The following USP7 variants were observed in gnomAD, a reference collection of about 807,000 sequenced individuals.
USP7 encodes ubiquitin specific peptidase 7.
Under a neutral mutation model 162.9 loss-of-function variants are expected in USP7, and 9 were observed. That is an observed-to-expected ratio of 0.06 (90% CI 0.03 to 0.10). The LOEUF (loss-of-function observed/expected upper bound fraction) is 0.10, where lower values mean the gene tolerates loss of function less well. Ranked by LOEUF, USP7 falls within the 10% of genes least tolerant of loss-of-function variation. The pLI, the probability that USP7 is intolerant of heterozygous loss-of-function variation, is 1.00. For missense variants in USP7, 715 were observed against 1,373.7 expected (o/e 0.52, Z 7.58); for synonymous variants, 562 against 475.9 (o/e 1.18, Z -2.35).
At chr16:8,938,368 A>G (rs1482019082) in intron 1 of USP7, among the ~76,000 whole-genome samples, 1 of 152,052 alleles carries the variant, frequency 6.6e-6, no homozygotes, top group African/African-American at 2.4e-5. Flanking sequence ...AAAGAAAGAA[A>G]TAATACAGTC....
chr16:8,963,170 C>T (rs1452773844), intron 1 of USP7, 37 bp downstream of exon 1: 5 of 1,382,460 alleles, frequency 3.6e-6, no homozygotes, highest in Non-Finnish European at 3.8e-6. Flanking sequence ...ATGAAAGGCG[C>T]CCCCCGGCCC....
chr16:8,930,250 C>A (rs757112853), intron 2 of USP7, 43 bp downstream of exon 2: 2 of 1,501,962 alleles, frequency 1.3e-6, no homozygotes, highest in East Asian at 2.3e-5. Flanking sequence ...TGTTTTCTGA[C>A]AAGTTTCCGC....
intron 1 of USP7, among the ~76,000 whole-genome samples, chr16:8,951,537 C>A (rs1899550006): frequency 6.6e-6 from 1 of 152,106 alleles, no homozygotes; most frequent in Non-Finnish European, 1.5e-5. Context: ...CCCTGGATAT[C>A]CTATTTGCTC....
Position 8,897,726 on chromosome 16 carries a change from A to AAT in USP7, c.2719-629_2719-628dup, listed in dbSNP as rs1555461672. ...AAAAAAAAAAAAAAAAAAAAAAAAA[A>AAT]ATATATATATATATATATATAAATG... On this transcript the variant is annotated intron_variant, in intron 25 of 30. Transcript: ENST00000344836. 8.4e-4 allele frequency among the ~76,000 whole-genome samples: 6 copies of AAT among 7,136 alleles called. 1 individual carries two copies. Among genetic ancestry groups the AAT allele is most frequent in the Admixed American group, 6.3e-3 (2 of 316 alleles). 4.7% of individuals were successfully genotyped at this position (7,136 alleles called of 152,430 possible). A position where few individuals can be genotyped will look rare whatever the true frequency, so the allele number is the denominator to read the frequency against.
intron 1 of USP7, among the ~76,000 whole-genome samples, chr16:8,937,823 G>C (rs1898834649): frequency 6.6e-6 from 1 of 152,196 alleles, no homozygotes; most frequent in African/African-American, 2.4e-5. Context: ...CCACACAGAA[G>C]CCAGGAGACA....
chr16:8,899,798 T>C (rs751552064), intron 21 of USP7, 41 bp from the exon 22 acceptor site: 58 of 1,610,784 alleles, frequency 3.6e-5, no homozygotes, highest in South Asian at 7.7e-5. Context: ...TCAAAGTCCA[T>C]GGCAGGGGGT....
At chr16:8,901,345 T>C in intron 18 of USP7, 111 bp from the exon 19 acceptor site, 3 of 716,636 alleles carry the variant, frequency 4.2e-6, no homozygotes, top group South Asian at 3.5e-5. Flanking sequence ...GTAAGCTGAA[T>C]AGCTCAATGA....
chr16:8,941,506 T>C (rs1899044113), intron 1 of USP7, among the ~76,000 whole-genome samples: 1 of 152,228 alleles, frequency 6.6e-6, no homozygotes, highest in African/African-American at 2.4e-5. Flanking sequence ...TTCTCGCAGG[T>C]CAACCGACAT....
At chr16:8,921,013 A>C (rs1195483372) in intron 4 of USP7, 144 bp downstream of exon 4, 1 of 950,216 alleles carries the variant, frequency 1.1e-6, no homozygotes, top group African/African-American at 1.7e-5. Flanking sequence ...GAAACTGGAG[A>C]AAACATGTTT....
At chr16:8,934,057 C>T (rs1898537599) in intron 1 of USP7, among the ~76,000 whole-genome samples, 1 of 152,240 alleles carries the variant, frequency 6.6e-6, no homozygotes, top group East Asian at 1.9e-4. Flanking sequence ...CACGCCTGGC[C>T]TATAAATCTT....
chr16:8,943,497 G>GCCAAAGGAT (rs1224973946), intron 1 of USP7, among the ~76,000 whole-genome samples: 4 of 151,906 alleles, frequency 2.6e-5, no homozygotes, highest in Non-Finnish European at 4.4e-5. Context: ...ACACACAAGA[G>GCCAAAGGAT]CCAAAGGATC....
intron 1 of USP7, among the ~76,000 whole-genome samples, chr16:8,954,783 A>C (rs944447616): frequency 4.7e-4 from 71 of 151,176 alleles, no homozygotes; most frequent in African/African-American, 1.6e-3. Context: ...CCATGGTAAA[A>C]CCCCCCCTCT....
intron 8 of USP7, among the ~76,000 whole-genome samples, chr16:8,916,119 G>C (rs371547637): frequency 6.6e-6 from 1 of 152,140 alleles, no homozygotes; most frequent in Non-Finnish European, 1.5e-5. Flanking sequence ...TGAGAACCTC[G>C]CTGCACAGGA....
rs1035382907 is a variant in USP7 at position 8,901,126 on chromosome 16, T to C, written c.2140+16A>G. 3 of 1,613,278 alleles carry C rather than the reference T, an allele frequency of 1.9e-6. No homozygotes were observed. Among genetic ancestry groups the C allele is most frequent in the Admixed American group, 1.7e-5 (1 of 60,018 alleles). ...GAGCAAAATCTACTCAGAAGGTAAGTGCACGAAGGACTTACGTATTTTACA... is the reference window on the plus strand; with the variant it reads ...GAGCAAAATCTACTCAGAAGGTAAGCGCACGAAGGACTTACGTATTTTACA... On this transcript the variant is annotated intron_variant, in intron 19 of 30. Transcript: ENST00000344836.
intron 1 of USP7, among the ~76,000 whole-genome samples, chr16:8,947,573 TC>T (rs1458714089): frequency 6.6e-6 from 1 of 152,148 alleles, no homozygotes; most frequent in Non-Finnish European, 1.5e-5. Flanking sequence ...GTCTCGAACT[TC>T]CGGCCTCAAG....
chr16:8,916,699 A>G, intron 7 of USP7, 143 bp from the exon 8 acceptor site: 3 of 902,010 alleles, frequency 3.3e-6, no homozygotes, highest in South Asian at 3.7e-5. Context: ...TTTGGGAGTC[A>G]TAATTCAAAG....
intron 22 of USP7, 69 bp from the exon 23 acceptor site, chr16:8,899,257 A>T: frequency 6.7e-7 from 1 of 1,486,736 alleles, no homozygotes; most frequent in East Asian, 2.3e-5. Context: ...TTCATGCTTA[A>T]TTACTTAAAA....
At chr16:8,897,129 TTC>T (rs761692904) in intron 25 of USP7, 30 bp from the exon 26 acceptor site, 14 of 1,545,154 alleles carry the variant, frequency 9.1e-6, no homozygotes, top group South Asian at 4.5e-5. Context: ...AATAAGTGCT[TTC>T]AAGAAAGCAT....
chr16:8,947,100 G>C (rs1899318230), intron 1 of USP7, among the ~76,000 whole-genome samples: 1 of 151,954 alleles, frequency 6.6e-6, no homozygotes, highest in Admixed American at 6.6e-5. Context: ...GTTTTTTTCA[G>C]TATATCTCTG....
Sources: allele counts gnomAD v4.1 joint callset (sites outside exome capture counted in the v4.1 genomes callset), GRCh38; gene constraint gnomAD v4.1.1; transcripts MANE v1.5; gene names NCBI Gene and HGNC (gene_info 2026-07-23, HGNC 2026-07-21).